Variants in GIT2 observed in about 807,000 individuals in gnomAD.
GIT2 encodes the protein GIT ArfGAP 2, also known as ARF GTPase-activating protein GIT2.
In GIT2, 32 loss-of-function variants were observed where a neutral mutation model predicts 100.3. That is an observed-to-expected ratio of 0.32 (90% confidence interval 0.24 to 0.43). The LOEUF (loss-of-function observed/expected upper bound fraction) is 0.43. Among genes scored for constraint, GIT2 ranks in the 20% least tolerant of loss-of-function variants. The probability of loss-of-function intolerance (pLI) is 1.00; values close to 1 mark genes in which losing one functional copy is unlikely to be tolerated. For synonymous variants in GIT2, 353 were observed against 364.1 expected (o/e 0.97, Z 0.35); for missense variants, 737 against 975.1 (o/e 0.76, Z 3.25).
At chr12:109,970,709 C>A (rs1282723068) in intron 7 of GIT2, among the ~76,000 whole-genome samples, 1 of 152,224 alleles carries the variant, frequency 6.6e-6, no homozygotes, top group Non-Finnish European at 1.5e-5. Context: ...AAATTGGGTG[C>A]TGTACTTCCT....
At position 109,948,278 on chromosome 12, in the gene GIT2, T is replaced by C; in HGVS notation, c.1393-774A>G. The C allele has an allele frequency of 2.0e-6, 2 of 986,742 alleles. No individual in the cohort carries two copies. Among genetic ancestry groups the C allele is most frequent in the Non-Finnish European group, 2.4e-6 (2 of 830,844 alleles). 61.1% of individuals were successfully genotyped at this position (986,742 alleles called of 1,614,324 possible). A position where few individuals can be genotyped will look rare whatever the true frequency, so the allele number is the denominator to read the frequency against. On this transcript the variant is annotated intron_variant, in intron 14 of 19. Transcript: ENST00000355312. This position sits in a 1 kb window ranked among gnomAD's most constrained non-coding sequence, Gnocchi z 4.3. ...TGCTTCCGTCTGGTGAGTGATCATC[T>C]TTCGGCCAGGGCTGGAATATTTGGC...
chr12:109,971,948 C>A (rs1242100649), intron 7 of GIT2, among the ~76,000 whole-genome samples: 1 of 150,512 alleles, frequency 6.6e-6, no homozygotes, highest in African/African-American at 2.4e-5. Context: ...GAGCCGAGAT[C>A]ACACCACTGC....
intron 3 of GIT2, 34 bp from the exon 4 acceptor site, chr12:109,989,102 C>T (rs373410574): frequency 1.6e-5 from 20 of 1,216,942 alleles, no homozygotes; most frequent in South Asian, 1.3e-4. Context: ...ACAGTTCACT[C>T]GTTCAGATAC....
At chr12:109,953,391 G>T in intron 12 of GIT2, 157 bp from the exon 13 acceptor site, 1 of 674,616 alleles carries the variant, frequency 1.5e-6, no homozygotes, top group Non-Finnish European at 2.6e-6. Flanking sequence ...AGGCCAAGGA[G>T]GAGAACTGCT....
chr12:109,988,894 C>G, intron 4 of GIT2, 69 bp downstream of exon 4: 26 of 476,688 alleles, frequency 5.5e-5, no homozygotes, highest in East Asian at 9.2e-5. Context: ...ACTTTTTTTT[C>G]GTTTTTTCAA....
chr12:109,990,388 G>A (rs1888149317), intron 2 of GIT2, among the ~76,000 whole-genome samples: 1 of 152,208 alleles, frequency 6.6e-6, no homozygotes, highest in South Asian at 2.1e-4. Flanking sequence ...ATCTGGCTTT[G>A]CAAACACAGA....
intron 14 of GIT2, among the ~76,000 whole-genome samples, chr12:109,949,550 C>CT (rs761178438): frequency 3.3e-5 from 5 of 152,168 alleles, no homozygotes; most frequent in Non-Finnish European, 7.3e-5. Context: ...CCAGGCTACA[C>CT]TTTTTTATTT....
Position 109,996,261 on chromosome 12 carries a change from G to C in GIT2, c.-37C>G. 6.8e-7 allele frequency: 1 copy of C among 1,470,038 alleles called. No individual in the cohort carries two copies. The highest frequency in any genetic ancestry group is 1.2e-5 in the South Asian group (1 of 80,148). 91.1% of individuals were successfully genotyped at this position (1,470,038 alleles called of 1,614,324 possible). A position where few individuals can be genotyped will look rare whatever the true frequency, so the allele number is the denominator to read the frequency against. On this transcript the variant is annotated 5_prime_UTR_variant, in exon 1 of 20. Transcript: ENST00000355312. ...CCCACCTGCGGGGAACTAGAGGCCGGGGGACAGCAAAGGCGGCGGTGGCGG... is the reference window on the plus strand; with the variant it reads ...CCCACCTGCGGGGAACTAGAGGCCGCGGGACAGCAAAGGCGGCGGTGGCGG...
intron 9 of GIT2, among the ~76,000 whole-genome samples, chr12:109,964,384 T>C (rs939880513): frequency 1.3e-5 from 2 of 152,086 alleles, no homozygotes; most frequent in African/African-American, 4.8e-5. Context: ...CTGAGTATTA[T>C]ATGAAGTTTT....
In GIT2 at chr12:109,948,798, C is replaced by A. The variant is rs1452221893; in HGVS notation, c.1393-1294G>T. On this transcript the variant is annotated intron_variant, in intron 14 of 19. Coordinates refer to ENST00000355312, the MANE Select transcript of GIT2 (RefSeq NM_057169.5). The surrounding 1 kb of genome is among the most constrained non-coding windows in gnomAD (Gnocchi z 4.3). Reference sequence around the variant, plus strand: ...AGAAAGCACCAATCTGTGAAAAATACACCAATAGTAGTTGCTCCTCTTCAT... The same window carrying A: ...AGAAAGCACCAATCTGTGAAAAATAAACCAATAGTAGTTGCTCCTCTTCAT... The A allele has an allele frequency of 5.0e-6, 8 of 1,599,162 alleles. No individual in the cohort carries two copies. The highest frequency in any genetic ancestry group is 3.6e-5 in the Admixed American group (2 of 56,194).
At chr12:109,991,599 A>G (rs777148967) in intron 2 of GIT2, 28 bp downstream of exon 2, 1 of 1,584,706 alleles carries the variant, frequency 6.3e-7, no homozygotes, top group East Asian at 2.2e-5. Context: ...GTAAATTACC[A>G]ACTGTCAGGA....
At chr12:109,988,809 C>T (rs774838531) in intron 4 of GIT2, among the ~76,000 whole-genome samples, 154 bp downstream of exon 4, 21 of 146,334 alleles carry the variant, frequency 1.4e-4, no homozygotes, top group Middle Eastern at 6.9e-3. Flanking sequence ...GCCAAGATCG[C>T]GCCACTGTAC....
intron 1 of GIT2, among the ~76,000 whole-genome samples, chr12:109,994,329 A>G (rs952485359): frequency 3.3e-5 from 5 of 152,232 alleles, no homozygotes; most frequent in African/African-American, 9.6e-5. Flanking sequence ...CCAGGGCTCC[A>G]GGGACACCAC....
At chr12:109,987,017 T>C (rs943761056) in intron 4 of GIT2, among the ~76,000 whole-genome samples, 2 of 151,976 alleles carry the variant, frequency 1.3e-5, no homozygotes, top group Non-Finnish European at 2.9e-5. Context: ...CATGATCAAG[T>C]AGGCTTTTTT....
intron 14 of GIT2, 36 bp downstream of exon 14, chr12:109,951,131 A>C: frequency 6.3e-7 from 1 of 1,582,114 alleles, no homozygotes; most frequent in African/African-American, 1.3e-5. Context: ...TATGGGATTA[A>C]AGCGTCAACC....
chr12:109,991,516 A>G (rs1312647284), intron 2 of GIT2, 111 bp downstream of exon 2: 17 of 793,782 alleles, frequency 2.1e-5, no homozygotes, highest in Non-Finnish European at 3.0e-5. Context: ...CTATTCAATT[A>G]TGAAACAGTT....
At chr12:109,988,051 T>C (rs1887726546) in intron 4 of GIT2, among the ~76,000 whole-genome samples, 1 of 152,166 alleles carries the variant, frequency 6.6e-6, no homozygotes, top group Non-Finnish European at 1.5e-5. Context: ...TAGTCCTTAT[T>C]AAAAAGAAAC....
intron 12 of GIT2, 158 bp from the exon 13 acceptor site, chr12:109,953,392 G>T: frequency 1.5e-6 from 1 of 672,208 alleles, no homozygotes; most frequent in Non-Finnish European, 2.6e-6. Flanking sequence ...GGCCAAGGAG[G>T]AGAACTGCTT....
intron 8 of GIT2, among the ~76,000 whole-genome samples, chr12:109,966,558 T>C (rs990078970): frequency 1.5e-5 from 2 of 134,362 alleles, no homozygotes; most frequent in African/African-American, 5.6e-5. Flanking sequence ...AGGCCAGATA[T>C]AGTTGCTCAT....
Sources: allele counts gnomAD v4.1 joint callset (sites outside exome capture counted in the v4.1 genomes callset), GRCh38; gene constraint gnomAD v4.1.1; non-coding constraint Gnocchi (gnomAD v3.1); transcripts MANE v1.5; gene names NCBI Gene and HGNC (gene_info 2026-07-23, HGNC 2026-07-21).